Variants in VAT1L observed in about 807,000 individuals in gnomAD.
VAT1L encodes the protein putative NADPH-dependent quinone oxidoreductase VAT1L.
A neutral mutation model predicts 44.1 loss-of-function variants in VAT1L; 34 were observed. The observed-to-expected ratio is 0.77, with a 90% CI of 0.59 to 1.03. The LOEUF (loss-of-function observed/expected upper bound fraction) is 1.03. VAT1L is among the 50% of genes least tolerant of loss of function. The probability of loss-of-function intolerance (pLI) is 0.00; values close to 1 mark genes in which losing one functional copy is unlikely to be tolerated. For missense variants in VAT1L, 615 were observed against 538.8 expected (o/e 1.14, Z -1.40); for synonymous variants, 253 against 202.2 (o/e 1.25, Z -2.13).
intron 7 of VAT1L, chr16:77,892,916 T>A (rs1422422852): frequency 1.9e-6 from 2 of 1,034,272 alleles, no homozygotes; most frequent in Non-Finnish European, 3.0e-6. Flanking sequence ...ACAAATCTAA[T>A]AAGTTTGACT....
intron 7 of VAT1L, among the ~76,000 whole-genome samples, chr16:77,891,080 C>T (rs1206710802): frequency 3.9e-5 from 6 of 152,082 alleles, no homozygotes; most frequent in African/African-American, 1.4e-4. Flanking sequence ...CTCGGCCGGG[C>T]GTGGTGGCTC....
chr16:77,931,265 AAAG>A (rs1191551875), intron 7 of VAT1L, among the ~76,000 whole-genome samples: 1 of 152,220 alleles, frequency 6.6e-6, no homozygotes, highest in Admixed American at 6.5e-5. Context: ...CCTCAGAATG[AAAG>A]AATGTTGGAA....
intron 8 of VAT1L, among the ~76,000 whole-genome samples, chr16:77,973,674 TTAAAA>T (rs1234442345): frequency 7.8e-6 from 1 of 128,902 alleles, no homozygotes; most frequent in Non-Finnish European, 1.8e-5. Flanking sequence ...CATCAGTTCT[TTAAAA>T]AAAAAAAAAA....
intron 4 of VAT1L, among the ~76,000 whole-genome samples, chr16:77,873,472 G>C (rs1337923987): frequency 6.6e-6 from 1 of 152,054 alleles, no homozygotes; most frequent in Non-Finnish European, 1.5e-5. Flanking sequence ...CATTCATTCA[G>C]TTACCCATTC....
chr16:77,840,214 C>T (rs2016690239), intron 3 of VAT1L, among the ~76,000 whole-genome samples: 1 of 152,188 alleles, frequency 6.6e-6, no homozygotes, highest in African/African-American at 2.4e-5. Flanking sequence ...TTACCTTGTA[C>T]ACGTTTTAGT....
At chr16:77,905,098 G>C (rs985879950) in intron 7 of VAT1L, among the ~76,000 whole-genome samples, 3 of 152,136 alleles carry the variant, frequency 2.0e-5, no homozygotes, top group Non-Finnish European at 2.9e-5. Context: ...GACTAATGTG[G>C]TTATGAAAGA....
At chr16:77,816,859 G>T in intron 1 of VAT1L, 62 bp from the exon 2 acceptor site, 1 of 1,500,320 alleles carries the variant, frequency 6.7e-7, no homozygotes, top group Non-Finnish European at 8.9e-7. Flanking sequence ...AAGAAAACCA[G>T]GTCGGTGCTT....
chr16:77,806,709 T>A (rs1252821738), intron 1 of VAT1L, among the ~76,000 whole-genome samples: 1 of 152,196 alleles, frequency 6.6e-6, no homozygotes, highest in Non-Finnish European at 1.5e-5. Context: ...TTACTAAACA[T>A]TACTTTTATC....
chr16:77,963,917 A>G (rs935195726), intron 7 of VAT1L, among the ~76,000 whole-genome samples: 29 of 152,328 alleles, frequency 1.9e-4, no homozygotes, highest in Non-Finnish European at 3.2e-4. Flanking sequence ...GAAGACCTTC[A>G]GAACAAAACC....
At chr16:77,915,930 G>A (rs2017547473) in intron 7 of VAT1L, among the ~76,000 whole-genome samples, 1 of 152,168 alleles carries the variant, frequency 6.6e-6, no homozygotes, top group Non-Finnish European at 1.5e-5. Flanking sequence ...GGTAAATGAA[G>A]GCTAATCCTA....
At chr16:77,958,070 G>C (rs1035761787) in intron 7 of VAT1L, among the ~76,000 whole-genome samples, 3 of 152,132 alleles carry the variant, frequency 2.0e-5, no homozygotes, top group African/African-American at 2.4e-5. Flanking sequence ...ACCAGTCCTG[G>C]TTAATTTTTT....
At chr16:77,800,284 C>G (rs899150302) in intron 1 of VAT1L, 1 of 152,142 alleles carries the variant, frequency 6.6e-6, no homozygotes. Flanking sequence ...CTGGCTTCAT[C>G]GAGTGCCGCA....
intron 3 of VAT1L, among the ~76,000 whole-genome samples, chr16:77,855,967 G>A (rs1256142445): frequency 6.6e-6 from 1 of 152,178 alleles, no homozygotes; most frequent in East Asian, 1.9e-4. Flanking sequence ...GCAGTGAGCT[G>A]ATTGTGCCAC....
At chr16:77,936,037 T>C (rs1031725378) in intron 7 of VAT1L, among the ~76,000 whole-genome samples, 2 of 152,050 alleles carry the variant, frequency 1.3e-5, no homozygotes, top group Non-Finnish European at 2.9e-5. Context: ...CAGTGATACA[T>C]ACCTGGGGAG....
intron 7 of VAT1L, among the ~76,000 whole-genome samples, chr16:77,891,445 G>A (rs755278476): frequency 3.9e-5 from 6 of 152,190 alleles, no homozygotes; most frequent in Non-Finnish European, 5.9e-5. Context: ...CTGTTCCATC[G>A]TTGCAGAAAG....
chr16:77,963,699 G>T (rs1332999520), intron 7 of VAT1L, among the ~76,000 whole-genome samples: 1 of 151,848 alleles, frequency 6.6e-6, no homozygotes, highest in East Asian at 1.9e-4. Context: ...GAATGCAGGA[G>T]CCTGGATCCC....
rs183284028 is a variant in VAT1L at position 77,936,917 on chromosome 16, G to A, written c.1078-34933G>A. On this transcript the variant is annotated intron_variant, in intron 7 of 8. Coordinates refer to ENST00000302536, the MANE Select transcript of VAT1L (RefSeq NM_020927.3). The stretch of plus-strand genomic sequence containing the variant: ...TTGTTTGTTTTTGAGACGGAGTCTC[G>A]CTCTGCCACCAGGCTGGAGTGCAAT... Among the ~76,000 whole-genome samples, 39 of 151,928 alleles carry A rather than the reference G, an allele frequency of 2.6e-4. 1 individual carries two copies. In the East Asian group the frequency reaches 2.7e-3, roughly 11 times the overall value.
intron 6 of VAT1L, among the ~76,000 whole-genome samples, chr16:77,883,710 G>T (rs868035447): frequency 3.3e-5 from 5 of 152,222 alleles, no homozygotes; most frequent in Admixed American, 6.5e-5. Flanking sequence ...CATTGATTCA[G>T]TCCCAACAAT....
chr16:77,964,608 T>C (rs572163701), intron 7 of VAT1L, among the ~76,000 whole-genome samples: 59 of 152,204 alleles, frequency 3.9e-4, no homozygotes, highest in African/African-American at 1.4e-3. Flanking sequence ...CCCTTTGCCA[T>C]GTCAGGTAAC....
Sources: allele counts gnomAD v4.1 joint callset (sites outside exome capture counted in the v4.1 genomes callset), GRCh38; gene constraint gnomAD v4.1.1; transcripts MANE v1.5; gene names NCBI Gene and HGNC (gene_info 2026-07-23, HGNC 2026-07-21).